Variants in DCC observed in about 807,000 individuals in gnomAD.
DCC encodes the protein DCC netrin 1 receptor.
A neutral mutation model predicts 172.5 loss-of-function variants in DCC; 58 were observed. The observed-to-expected ratio is 0.34, with a 90% CI of 0.27 to 0.42. DCC has a LOEUF of 0.42. DCC is among the 10% of genes least tolerant of loss of function. The pLI is 1.00. For missense variants in DCC, 1,740 were observed against 1,791.0 expected (o/e 0.97, Z 0.51); for synonymous variants, 709 against 644.5 (o/e 1.10, Z -1.52).
At chr18:52,538,409 T>TAC (rs2032345176) in intron 1 of DCC, among the ~76,000 whole-genome samples, 1 of 152,196 alleles carries the variant, frequency 6.6e-6, no homozygotes, top group African/African-American at 2.4e-5. Context: ...AGTAAGACAA[T>TAC]ACACACACAT....
chr18:53,264,494 AAAG>A (rs1410698994), intron 12 of DCC, among the ~76,000 whole-genome samples: 17 of 151,350 alleles, frequency 1.1e-4, no homozygotes, highest in East Asian at 5.8e-4. Flanking sequence ...AAAAAAAAAA[AAAG>A]AAGAAGAAGA....
chr18:52,418,281 G>A (rs1277858133), intron 1 of DCC, among the ~76,000 whole-genome samples: 1 of 152,096 alleles, frequency 6.6e-6, no homozygotes, highest in Non-Finnish European at 1.5e-5. Context: ...TGAGAATGTA[G>A]CTCTTCTCCA....
chr18:52,894,636 A>G (rs1384156608), intron 2 of DCC, among the ~76,000 whole-genome samples: 2 of 151,930 alleles, frequency 1.3e-5, no homozygotes, highest in Non-Finnish European at 2.9e-5. Flanking sequence ...GAGACCCAGG[A>G]GACATGATGG....
intron 25 of DCC, among the ~76,000 whole-genome samples, chr18:53,478,603 G>T (rs781669698): frequency 6.6e-6 from 1 of 152,126 alleles, no homozygotes; most frequent in Non-Finnish European, 1.5e-5. Context: ...TCTCAAAAAG[G>T]TAGCCTGAAA....
At chr18:53,162,699 C>T (rs187999693) in intron 8 of DCC, among the ~76,000 whole-genome samples, 1 of 152,304 alleles carries the variant, frequency 6.6e-6, no homozygotes, top group Admixed American at 6.5e-5. Flanking sequence ...CTAATTTCTA[C>T]CAAATCTTTG....
chr18:52,873,264 A>G (rs1247531520), intron 2 of DCC, among the ~76,000 whole-genome samples: 1 of 152,178 alleles, frequency 6.6e-6, no homozygotes, highest in African/African-American at 2.4e-5. Flanking sequence ...CCTCCCAGTA[A>G]ACAGTGTACA....
At chr18:53,385,021 CTTTTT>C (rs35779527) in intron 15 of DCC, among the ~76,000 whole-genome samples, 2 of 131,038 alleles carry the variant, frequency 1.5e-5, no homozygotes, top group Non-Finnish European at 3.2e-5. Flanking sequence ...TAATTTTTTT[CTTTTT>C]TTTTTTTTTT....
intron 22 of DCC, among the ~76,000 whole-genome samples, chr18:53,447,436 G>A (rs915626421): frequency 9.2e-5 from 14 of 152,082 alleles, no homozygotes; most frequent in African/African-American, 3.1e-4. Context: ...CATGAACCCC[G>A]ACTCTCCCAG....
At chr18:53,505,736 A>C (rs894711424) in intron 27 of DCC, among the ~76,000 whole-genome samples, 2 of 152,324 alleles carry the variant, frequency 1.3e-5, no homozygotes, top group Non-Finnish European at 2.9e-5. Flanking sequence ...CATAATTCGA[A>C]ACATGTAAGC....
chr18:52,370,742 T>G (rs1178741659), intron 1 of DCC, among the ~76,000 whole-genome samples: 1 of 152,162 alleles, frequency 6.6e-6, no homozygotes, highest in Non-Finnish European at 1.5e-5. Flanking sequence ...AAAAAACATG[T>G]AGTAATTAAT....
At chr18:53,106,799 T>C (rs1409088126) in intron 7 of DCC, among the ~76,000 whole-genome samples, 1 of 151,896 alleles carries the variant, frequency 6.6e-6, no homozygotes, top group Admixed American at 6.6e-5. Flanking sequence ...GTGCCCACCT[T>C]AGGCACAATA....
intron 2 of DCC, among the ~76,000 whole-genome samples, chr18:52,896,913 A>G (rs1300151343): frequency 6.6e-6 from 1 of 152,122 alleles, no homozygotes; most frequent in East Asian, 1.9e-4. Context: ...TATAAAATTC[A>G]TTCCCTCAGA....
At chr18:53,523,186 G>C (rs1307912630) in intron 27 of DCC, among the ~76,000 whole-genome samples, 2 of 152,174 alleles carry the variant, frequency 1.3e-5, no homozygotes, top group Non-Finnish European at 2.9e-5. Context: ...CTGGTCATTA[G>C]AGAAATGCAA....
intron 21 of DCC, among the ~76,000 whole-genome samples, chr18:53,419,669 A>C (rs1910523863): frequency 6.6e-6 from 1 of 151,996 alleles, no homozygotes; most frequent in Non-Finnish European, 1.5e-5. Flanking sequence ...TACAGGAGTG[A>C]CTCACTTAAT....
chr18:52,661,127 T>A (rs1186079262), intron 1 of DCC, among the ~76,000 whole-genome samples: 1 of 152,174 alleles, frequency 6.6e-6, no homozygotes, highest in Non-Finnish European at 1.5e-5. Flanking sequence ...ACTGAATTAA[T>A]ACCCTGGTGG....
At chr18:53,043,092 A>G (rs1303778581) in intron 5 of DCC, among the ~76,000 whole-genome samples, 1 of 152,034 alleles carries the variant, frequency 6.6e-6, no homozygotes, top group African/African-American at 2.4e-5. Flanking sequence ...GTTAGACTGG[A>G]TAAAAAAAAT....
intron 1 of DCC, among the ~76,000 whole-genome samples, chr18:52,578,339 C>T (rs907250626): frequency 6.6e-6 from 1 of 152,156 alleles, no homozygotes. Context: ...CAGCTAAGTT[C>T]TTATATTTTG....
At chr18:53,391,363 AAT>A (rs1221700899) in intron 16 of DCC, among the ~76,000 whole-genome samples, 1 of 152,200 alleles carries the variant, frequency 6.6e-6, no homozygotes, top group Non-Finnish European at 1.5e-5. Flanking sequence ...ACATTTAAAA[AAT>A]AGTCTTTAAA....
chr18:53,312,340 CAAAA>C (rs1218591102), intron 13 of DCC, among the ~76,000 whole-genome samples: 35 of 17,526 alleles, frequency 2.0e-3, no homozygotes, highest in Middle Eastern at 0.1. Context: ...GACTCTGTCT[CAAAA>C]AAAAAAAAAA....
Sources: gnomAD v4.1 joint callset for allele counts (sites outside exome capture counted in the v4.1 genomes callset) on GRCh38, gnomAD v4.1.1 for gene constraint, MANE v1.5 for transcripts, NCBI Gene and HGNC (gene_info 2026-07-23, HGNC 2026-07-21) for gene names.